The following EPB41L5 variants were observed in gnomAD, a reference collection of about 807,000 sequenced individuals.
The protein encoded by EPB41L5 is erythrocyte membrane protein band 4.1 like 5.
In EPB41L5, 55 loss-of-function variants were observed where a neutral mutation model predicts 106.6. The observed-to-expected ratio is 0.52, with a 90% CI of 0.42 to 0.65. EPB41L5 has a LOEUF of 0.65. EPB41L5 is among the 30% of genes least tolerant of loss of function. The pLI is 0.00. For missense variants in EPB41L5, 871 were observed against 882.1 expected, an observed-to-expected ratio of 0.99 and a Z score of 0.16; for synonymous variants, 297 against 306.7, an observed-to-expected ratio of 0.97 and a Z score of 0.33.
At chr2:120,050,927 A>G (rs1574535789) in intron 3 of EPB41L5, among the ~76,000 whole-genome samples, 1 of 152,326 alleles carries the variant, frequency 6.6e-6, no homozygotes, top group East Asian at 1.9e-4. Flanking sequence ...GGTCTACTAC[A>G]TACCCTGTTT....
At chr2:120,053,208 T>C (rs1371017925) in intron 3 of EPB41L5, among the ~76,000 whole-genome samples, 1 of 152,214 alleles carries the variant, frequency 6.6e-6, no homozygotes, top group Non-Finnish European at 1.5e-5. Context: ...TTGACAGTTG[T>C]ATTGAAGAGT....
At chr2:120,069,685 A>G (rs773447922) in intron 3 of EPB41L5, among the ~76,000 whole-genome samples, 14 of 152,246 alleles carry the variant, frequency 9.2e-5, no homozygotes, top group Non-Finnish European at 1.9e-4. Flanking sequence ...GCACAACTAC[A>G]TGGGAACTGA....
At chr2:120,023,039 T>C (rs1678045898) in intron 2 of EPB41L5, among the ~76,000 whole-genome samples, 1 of 152,224 alleles carries the variant, frequency 6.6e-6, no homozygotes, top group Non-Finnish European at 1.5e-5. Flanking sequence ...TTTGTTTTTT[T>C]CTTGTAAATT....
At chr2:120,151,182 C>G (rs1686654420) in intron 20 of EPB41L5, among the ~76,000 whole-genome samples, 1 of 151,966 alleles carries the variant, frequency 6.6e-6, no homozygotes, top group Non-Finnish European at 1.5e-5. Flanking sequence ...TGCCTGTAGT[C>G]CCAGCTACTC....
At position 120,176,024 on chromosome 2, in the gene EPB41L5, A is replaced by T. The variant is rs774656350; in HGVS notation, c.*1117A>T. 2.3e-4 allele frequency: 35 copies of T among 152,594 alleles called. No individual in the cohort carries two copies. The highest frequency in any genetic ancestry group is 9.2e-4 in the Admixed American group (14 of 15,286). 9.5% of individuals were successfully genotyped at this position (152,594 alleles called of 1,614,324 possible). Reference sequence around the variant, plus strand: ...GGAATTCTGTGTTAGTTTAAAAGAGATCTCTAAAACTTCCCCATCCCTTTG... The same window carrying T: ...GGAATTCTGTGTTAGTTTAAAAGAGTTCTCTAAAACTTCCCCATCCCTTTG... On this transcript the variant is annotated 3_prime_UTR_variant, in exon 25 of 25. Coordinates refer to ENST00000263713, the MANE Select transcript of EPB41L5 (RefSeq NM_020909.4).
intron 24 of EPB41L5, among the ~76,000 whole-genome samples, chr2:120,173,883 C>A (rs1687806733): frequency 6.6e-6 from 1 of 152,162 alleles, no homozygotes; most frequent in Non-Finnish European, 1.5e-5. Flanking sequence ...CGTCATCTCA[C>A]TTTGTTGCCC....
rs1470442992 is a variant in EPB41L5, at chr2:120,076,093, CT to C, written c.505+344del. On this transcript the variant is annotated intron_variant, in intron 7 of 24. Transcript: ENST00000263713. ...GGTGAAGCCATATAGCTTAGCAGTC[CT>C]TTTGCTCCAAACCTACATTTTGTTC... is the stretch of plus-strand genomic sequence containing the variant. 2.6e-5 allele frequency among the ~76,000 whole-genome samples: 4 copies of C among 152,162 alleles called. No individual in the cohort carries two copies. In the East Asian group the frequency reaches 7.7e-4, roughly 29 times the overall value.
chr2:120,129,065 T>C (rs1685579113), intron 17 of EPB41L5, among the ~76,000 whole-genome samples: 1 of 152,132 alleles, frequency 6.6e-6, no homozygotes, highest in African/African-American at 2.4e-5. Context: ...CTGAAAAACT[T>C]CCTATTGGGT....
rs180966093 is a variant in EPB41L5, at chr2:120,122,656, T to C, written c.1338-5032T>C. Among the ~76,000 whole-genome samples the C allele has an allele frequency of 5.2e-3, 799 of 152,292 alleles. 4 individuals are homozygous for C. Among genetic ancestry groups the C allele is most frequent in the African/African-American group, 0.018 (769 of 41,570 alleles). On this transcript the variant is annotated intron_variant, in intron 16 of 24. Transcript: ENST00000263713. ...TTTGCTTAGGATTGTCTTGGCAATG[T>C]GGGCTCTTTTTTGGTTCCATATGAA...
chr2:120,030,294 C>T (rs892512071), intron 2 of EPB41L5, among the ~76,000 whole-genome samples: 14 of 152,274 alleles, frequency 9.2e-5, no homozygotes, highest in Non-Finnish European at 1.6e-4. Context: ...GCCTCTGGCT[C>T]CAAGAGTCTG....
rs750059332 is a variant in EPB41L5 at position 120,073,129 on chromosome 2, T to G, written c.286-49T>G. 8.4e-6 allele frequency: 13 copies of G among 1,541,972 alleles called. No homozygotes were observed. The East Asian group carries it at 2.9e-4, about 35-fold the overall frequency. ...GTAACTTTTAGTAATTCATTCAAAT[T>G]TTAAAGTTCTGTCATCTGCTTAACT... On this transcript the variant is annotated intron_variant, in intron 3 of 24. Coordinates refer to ENST00000263713, the MANE Select transcript of EPB41L5 (RefSeq NM_020909.4).
In EPB41L5 at chr2:120,176,087, A is replaced by G. The variant is rs1687909647; in HGVS notation, c.*1180A>G. ...GAAATTCTGGATGTTAAAATAATAT[A>G]TACTCATCACAGAAAAATAAAGTAT... On this transcript the variant is annotated 3_prime_UTR_variant, in exon 25 of 25. Coordinates refer to ENST00000263713, the MANE Select transcript of EPB41L5 (RefSeq NM_020909.4). 1 of 152,668 alleles carries G rather than the reference A, an allele frequency of 6.6e-6. No homozygotes were observed. 9.5% of individuals were successfully genotyped at this position (152,668 alleles called of 1,614,324 possible). A position where few individuals can be genotyped will look rare whatever the true frequency, so the allele number is the denominator to read the frequency against.
At chr2:120,016,230 G>A (rs1677517366) in intron 1 of EPB41L5, among the ~76,000 whole-genome samples, 1 of 152,146 alleles carries the variant, frequency 6.6e-6, no homozygotes, top group Non-Finnish European at 1.5e-5. Context: ...AGAAGTTTGA[G>A]ACCAGCCTGG....
rs143558813 is a variant in EPB41L5 at position 120,167,941 on chromosome 2, A to C, written c.2069A>C (p.His690Pro). 1,184 of 1,614,016 alleles carry C rather than the reference A, an allele frequency of 7.3e-4. 2 individuals carry two copies. Among genetic ancestry groups the C allele is most frequent in the Non-Finnish European group, 8.9e-4 (1,052 of 1,180,018 alleles). The change falls in exon 24 of 25, where the codon CAT becomes CCT. Residue 690 changes from histidine to proline, a missense_variant. By Grantham distance (77) the His-to-Pro change is moderately conservative (BLOSUM62 -2). Transcript: ENST00000263713. Reference sequence around the variant, plus strand: ...ATGCTTTTGACAGGGAAGGAGGGACATGGTAATAAAGATGGAATCTCACTG... The same window carrying C: ...ATGCTTTTGACAGGGAAGGAGGGACCTGGTAATAAAGATGGAATCTCACTG... Reference protein sequence around the residue: ...CEMLLTGKEGHGNKDGISLIS... With the variant: ...CEMLLTGKEGPGNKDGISLIS...
rs560429537 is a variant in EPB41L5, at chr2:120,071,870, G to A, written c.286-1308G>A. Among the ~76,000 whole-genome samples, 3 of 152,228 alleles carry A rather than the reference G, an allele frequency of 2.0e-5. No individual in the cohort carries two copies. In the East Asian group the frequency reaches 5.8e-4, roughly 29 times the overall value. ...AGTACCATGCAGGACATAGGCATGG[G>A]CAAAAACTTCAAACTAAAACACCAA... On this transcript the variant is annotated intron_variant, in intron 3 of 24. Coordinates refer to ENST00000263713, the MANE Select transcript of EPB41L5 (RefSeq NM_020909.4).
At chr2:120,167,433 A>G (rs1182275135) in intron 22 of EPB41L5, 33 bp from the exon 23 acceptor site, 52 of 1,590,902 alleles carry the variant, frequency 3.3e-5, no homozygotes, top group Non-Finnish European at 4.1e-5. Context: ...AGTCTTTCCA[A>G]AAAGTAAATA....
chr2:120,072,794 T>G (rs1681963595), intron 3 of EPB41L5, among the ~76,000 whole-genome samples: 1 of 152,012 alleles, frequency 6.6e-6, no homozygotes, highest in Non-Finnish European at 1.5e-5. Context: ...GGTGAGGGAC[T>G]AGGGGAGGGA....
intron 16 of EPB41L5, chr2:120,104,950 AT>A: frequency 1.0e-6 from 1 of 980,606 alleles, no homozygotes; most frequent in South Asian, 4.7e-5. Flanking sequence ...GAATGGTTAC[AT>A]TACTACTGAA....
At chr2:120,060,569 T>C (rs569712911) in intron 3 of EPB41L5, among the ~76,000 whole-genome samples, 57 of 152,342 alleles carry the variant, frequency 3.7e-4, no homozygotes, top group African/African-American at 1.3e-3. Flanking sequence ...GACACAATTA[T>C]AGAGATTGAG....
Sources: allele counts gnomAD v4.1 joint callset (sites outside exome capture counted in the v4.1 genomes callset), GRCh38; gene constraint gnomAD v4.1.1; transcripts MANE v1.5; gene names NCBI Gene and HGNC (gene_info 2026-07-23, HGNC 2026-07-21).